The following PAH variants were observed in gnomAD, a reference collection of about 807,000 sequenced individuals.
The protein encoded by PAH is phenylalanine-4-hydroxylase.
Under a neutral mutation model 62.0 loss-of-function variants are expected in PAH, and 64 were observed. The ratio of observed to expected loss-of-function variants is 1.03; its 90% CI spans 0.84 to 1.27. The LOEUF (loss-of-function observed/expected upper bound fraction) is 1.27, where lower values mean the gene tolerates loss of function less well. PAH is among the 50% of genes most tolerant of loss of function. The pLI is 0.00. For missense variants in PAH, 579 were observed against 542.8 expected, an observed-to-expected ratio of 1.07 and a Z score of -0.66; for synonymous variants, 195 against 196.2, an observed-to-expected ratio of 0.99 and a Z score of 0.05.
At chr12:102,843,543 GC>G in intron 11 of PAH, 102 bp downstream of exon 11, 1 of 1,103,562 alleles carries the variant, frequency 9.1e-7, no homozygotes, top group Non-Finnish European at 1.4e-6. Context: ...GTACAAAGTT[GC>G]TGTAGACATT....
intron 6 of PAH, 124 bp downstream of exon 6, chr12:102,855,012 G>T: frequency 1.3e-6 from 1 of 799,516 alleles, no homozygotes; most frequent in Admixed American, 1.9e-5. Context: ...GAATCAACCT[G>T]CATGCATTCC....
chr12:102,918,543 G>A (rs1160874404), upstream of PAH, among the ~76,000 whole-genome samples: 1 of 149,458 alleles, frequency 6.7e-6, no homozygotes, highest in East Asian at 1.9e-4. Context: ...CACTGATTTG[G>A]TCAAGCCCAT....
chr12:102,951,601 G>A (rs1020306453), upstream of PAH, among the ~76,000 whole-genome samples: 1 of 152,156 alleles, frequency 6.6e-6, no homozygotes, highest in African/African-American at 2.4e-5. Flanking sequence ...AGAACCCTGG[G>A]GAGAACCTAA....
intron 2 of PAH, among the ~76,000 whole-genome samples, chr12:102,900,825 ATATAC>A (rs1823614013): frequency 6.6e-6 from 1 of 152,162 alleles, no homozygotes; most frequent in Non-Finnish European, 1.5e-5. Flanking sequence ...AAATTGACCC[ATATAC>A]GCTCACCACA....
chr12:102,847,449 T>C (rs1312595726), intron 8 of PAH: 1 of 179,980 alleles, frequency 5.6e-6, no homozygotes, highest in African/African-American at 2.3e-5. Context: ...AGAATTCCTC[T>C]ACTGTCTCAT....
chr12:102,889,376 C>T (rs1396603454), intron 3 of PAH, among the ~76,000 whole-genome samples: 2 of 151,834 alleles, frequency 1.3e-5, no homozygotes, highest in African/African-American at 4.8e-5. Flanking sequence ...TGTCTTCTCA[C>T]AGTAATCATA....
chr12:102,913,507 C>A (rs1176755306), intron 1 of PAH, among the ~76,000 whole-genome samples: 1 of 151,806 alleles, frequency 6.6e-6, no homozygotes, highest in Non-Finnish European at 1.5e-5. Flanking sequence ...TGAAAGCATG[C>A]TAATAACAAG....
chr12:102,859,368 G>A (rs567454633), intron 5 of PAH, among the ~76,000 whole-genome samples: 2 of 152,282 alleles, frequency 1.3e-5, no homozygotes, highest in South Asian at 2.1e-4. Flanking sequence ...GGACCAGATG[G>A]ATTCATAGCC....
chr12:102,861,372 T>A (rs989883516), intron 5 of PAH, among the ~76,000 whole-genome samples: 5 of 152,186 alleles, frequency 3.3e-5, no homozygotes, highest in Admixed American at 1.3e-4. Flanking sequence ...AACACTTTTA[T>A]ACTGTTGGTG....
intron 4 of PAH, among the ~76,000 whole-genome samples, chr12:102,867,926 TAG>T (rs1306101923): frequency 7.0e-6 from 1 of 142,456 alleles, no homozygotes; most frequent in Non-Finnish European, 1.5e-5. Context: ...TATACATATA[TAG>T]ATGTATATAT....
At chr12:102,891,776 T>C (rs959251829) in intron 3 of PAH, among the ~76,000 whole-genome samples, 11 of 152,154 alleles carry the variant, frequency 7.2e-5, no homozygotes, top group Non-Finnish European at 1.3e-4. Context: ...GAGCCTCCAG[T>C]TCAGGCTGCC....
At chr12:102,891,731 T>TCCCC (rs1877282754) in intron 3 of PAH, among the ~76,000 whole-genome samples, 1 of 151,946 alleles carries the variant, frequency 6.6e-6, no homozygotes, top group South Asian at 2.1e-4. Flanking sequence ...CACTCTTAAC[T>TCCCC]CCCCCTCAAT....
chr12:102,945,829 C>T (rs1879472360), intron 1 of PAH: 1 of 152,286 alleles, frequency 6.6e-6, no homozygotes, highest in Non-Finnish European at 1.5e-5. Flanking sequence ...AAGACTAAGT[C>T]CCCTTTATTC....
At position 102,882,639 on chromosome 12, in the gene PAH, ACAC is replaced by A. The variant is rs1426610997; in HGVS notation, c.353-5092_353-5090del. ...TATCTGTATATATATGCATATATAT[ACAC>A]TATATATATATATATATATATATAT... On this transcript the variant is annotated intron_variant, in intron 3 of 12. Transcript: ENST00000553106. Among the ~76,000 whole-genome samples, 194 of 105,190 alleles carry A rather than the reference ACAC, an allele frequency of 1.8e-3. 1 individual carries two copies. Among genetic ancestry groups the A allele is most frequent in the Admixed American group, 6.5e-3 (56 of 8,666 alleles). The allele number at this position is 105,190 out of a possible 152,430, so 69.0% of individuals were successfully genotyped here.
intron 3 of PAH, among the ~76,000 whole-genome samples, chr12:102,891,628 C>T (rs564552252): frequency 5.3e-5 from 8 of 152,312 alleles, no homozygotes; most frequent in African/African-American, 1.9e-4. Flanking sequence ...GGCAGAGGCT[C>T]TTGTGACTCC....
chr12:102,914,401 G>A (rs1035221889), intron 1 of PAH: 1 of 152,682 alleles, frequency 6.5e-6, no homozygotes. Flanking sequence ...GGCACCAAGT[G>A]CCCCCTTTTA....
rs190074564 is a variant in PAH at position 102,898,040 on chromosome 12, A to G, written c.169-3122T>C. ...TCAGCAGCAACACTTGGCAAAGTCT[A>G]CTAAAATACACTGAACCCCCAACAC... is the stretch of plus-strand genomic sequence containing the variant. On this transcript the variant is annotated intron_variant, in intron 2 of 12. Coordinates refer to ENST00000553106, the MANE Select transcript of PAH (RefSeq NM_000277.3). Among the ~76,000 whole-genome samples, 758 of 152,312 alleles carry G rather than the reference A, an allele frequency of 5.0e-3. 24 individuals carry two copies. Among genetic ancestry groups the G allele is most frequent in the Non-Finnish European group, 1.4e-3 (92 of 68,036 alleles).
chr12:102,856,614 G>A (rs749607619), intron 5 of PAH, among the ~76,000 whole-genome samples: 7 of 152,168 alleles, frequency 4.6e-5, no homozygotes, highest in South Asian at 4.1e-4. Context: ...GCACACGGCC[G>A]GGTACCCCTC....
At chr12:102,907,981 T>C (rs2136720979) in intron 2 of PAH, among the ~76,000 whole-genome samples, 1 of 152,118 alleles carries the variant, frequency 6.6e-6, no homozygotes, top group African/African-American at 2.4e-5. Flanking sequence ...AGAAGTATAC[T>C]GGCCTATACA....
Sources: allele counts gnomAD v4.1 joint callset (sites outside exome capture counted in the v4.1 genomes callset), GRCh38; gene constraint gnomAD v4.1.1; transcripts MANE v1.5; gene names NCBI Gene and HGNC (gene_info 2026-07-23, HGNC 2026-07-21).